ATP2A2: variants seen among roughly 807,000 people sequenced by gnomAD.
ATP2A2 encodes ATPase sarcoplasmic/endoplasmic reticulum Ca2+ transporting 2, also known as sarcoplasmic/endoplasmic reticulum calcium ATPase 2.
In ATP2A2, 14 loss-of-function variants were observed where a neutral mutation model predicts 109.3. The ratio of observed to expected loss-of-function variants is 0.13; its 90% CI spans 0.08 to 0.20. The LOEUF (loss-of-function observed/expected upper bound fraction) is 0.20, where lower values mean the gene tolerates loss of function less well. ATP2A2 is among the 10% of genes least tolerant of loss of function. The probability of loss-of-function intolerance (pLI) is 1.00; values close to 1 mark genes in which losing one functional copy is unlikely to be tolerated. For synonymous variants in ATP2A2, 506 were observed against 490.9 expected, an observed-to-expected ratio of 1.03 and a Z score of -0.41; for missense variants, 657 against 1,321.6, an observed-to-expected ratio of 0.50 and a Z score of 7.80.
intron 11 of ATP2A2, 152 bp downstream of exon 11, chr12:110,334,295 A>C (rs770287105): frequency 9.5e-5 from 92 of 970,702 alleles, no homozygotes; most frequent in Non-Finnish European, 1.4e-4. Context: ...CTCTCAGGTA[A>C]GATGCTCTTC....
chr12:110,307,371 G>T (rs1404830122), intron 5 of ATP2A2, among the ~76,000 whole-genome samples: 2 of 151,834 alleles, frequency 1.3e-5, no homozygotes, highest in African/African-American at 4.8e-5. Flanking sequence ...AGCTGGGACT[G>T]TAGGCACACA....
At position 110,308,777 on chromosome 12, in the gene ATP2A2, G is replaced by A. The variant is rs768548642; in HGVS notation, c.463+12040G>A. Among the ~76,000 whole-genome samples the A allele has an allele frequency of 5.3e-5, 8 of 152,142 alleles. No homozygotes were observed. The South Asian group carries it at 1.0e-3, about 20-fold the overall frequency. On this transcript the variant is annotated intron_variant, in intron 5 of 19. Transcript: ENST00000539276. The stretch of plus-strand genomic sequence containing the variant: ...CTTGTCAGTCGAAGGTACTATTTGC[G>A]TAGCCTGAAAGATTAAATGGCATAA...
At chr12:110,286,567 G>A (rs955463509) in intron 3 of ATP2A2, among the ~76,000 whole-genome samples, 7 of 152,092 alleles carry the variant, frequency 4.6e-5, no homozygotes, top group Admixed American at 2.6e-4. Flanking sequence ...GATCAGAAGG[G>A]AACGAGTTCT....
chr12:110,346,881 ATGATGATCCGGATTTAATT>A lies in ATP2A2; in HGVS notation c.*416_*434del. 9.1e-7 allele frequency: 1 copy of A among 1,095,842 alleles called. No individual in the cohort carries two copies. 67.9% of individuals were successfully genotyped at this position (1,095,842 alleles called of 1,614,324 possible). On this transcript the variant is annotated 3_prime_UTR_variant, in exon 20 of 20. Transcript: ENST00000539276. ...AAATAGCATGTATTGTGTCTTTTGC[ATGATGATCCGGATTTAATT>A]TGATATCACAGTCTAATTTTTATTC...
In ATP2A2 at chr12:110,347,792, G is replaced by C; in HGVS notation, c.*1322G>C. 9.5e-7 allele frequency: 1 copy of C among 1,051,718 alleles called. No homozygotes were observed. The allele number at this position is 1,051,718 out of a possible 1,614,324, so 65.1% of individuals were successfully genotyped here. A position where few individuals can be genotyped will look rare whatever the true frequency, so the allele number is the denominator to read the frequency against. On this transcript the variant is annotated 3_prime_UTR_variant, in exon 20 of 20. Transcript: ENST00000539276. ...TGCCTTCCAACATCCATCAACTAAC[G>C]TGAGTATTTTCTTCCTGGGATTTGG... is the stretch of plus-strand genomic sequence containing the variant.
intron 9 of ATP2A2, 67 bp from the exon 10 acceptor site, chr12:110,333,114 G>A (rs1162364789): frequency 2.1e-5 from 27 of 1,311,006 alleles, no homozygotes; most frequent in Non-Finnish European, 2.1e-5. Flanking sequence ...TTGCGGGGGG[G>A]CAGGGGGCGG....
chr12:110,291,044 G>A (rs141579702), intron 3 of ATP2A2, among the ~76,000 whole-genome samples: 2,535 of 152,086 alleles, frequency 0.017, 71 homozygotes, highest in African/African-American at 0.058. Context: ...GAGTAGCTGG[G>A]ATTACAGGCA....
At chr12:110,288,787 T>C (rs531658285) in intron 3 of ATP2A2, among the ~76,000 whole-genome samples, 3 of 152,240 alleles carry the variant, frequency 2.0e-5, no homozygotes, top group Non-Finnish European at 4.4e-5. Flanking sequence ...GTATACTTTG[T>C]ATAACTTCTG....
At position 110,305,122 on chromosome 12, in the gene ATP2A2, C is replaced by T. The variant is rs545097641; in HGVS notation, c.463+8385C>T. On this transcript the variant is annotated intron_variant, in intron 5 of 19. Transcript: ENST00000539276. ...CTAATTTTTGTATTTTTAGTAGAAACGGGGTTTCACCGTTTTGGCCAGGCT... is the reference window on the plus strand; with the variant it reads ...CTAATTTTTGTATTTTTAGTAGAAATGGGGTTTCACCGTTTTGGCCAGGCT... Among the ~76,000 whole-genome samples the T allele has an allele frequency of 4.6e-5, 7 of 152,156 alleles. No individual in the cohort carries two copies. In the South Asian group the frequency reaches 1.0e-3, roughly 23 times the overall value.
chr12:110,298,446 G>A (rs146879636), intron 5 of ATP2A2, among the ~76,000 whole-genome samples: 2 of 152,170 alleles, frequency 1.3e-5, no homozygotes, highest in Non-Finnish European at 2.9e-5. Flanking sequence ...TTGGCCAGGC[G>A]TGGTGGCTCA....
intron 3 of ATP2A2, among the ~76,000 whole-genome samples, chr12:110,284,512 G>A (rs1432793620): frequency 6.6e-6 from 1 of 152,086 alleles, no homozygotes; most frequent in African/African-American, 2.4e-5. Flanking sequence ...TTTTTTGAGT[G>A]GCCAGTTTGA....
chr12:110,299,866 C>T (rs1027256533), intron 5 of ATP2A2, among the ~76,000 whole-genome samples: 1 of 152,192 alleles, frequency 6.6e-6, no homozygotes, highest in African/African-American at 2.4e-5. Context: ...CTCAGGCAGT[C>T]CTGCCTCAGC....
At position 110,342,500 on chromosome 12, in the gene ATP2A2, A is replaced by AT; in HGVS notation, c.2318+53dup. 1.3e-6 allele frequency: 2 copies of AT among 1,578,460 alleles called. No homozygotes were observed. Among genetic ancestry groups the AT allele is most frequent in the Non-Finnish European group, 8.7e-7 (1 of 1,152,822 alleles). ...CTGTACGCCTTTATCTAAATGGGTCATGGAGCCCAGTTCTCGCAGTTTGCT... is the reference window on the plus strand; with the variant it reads ...CTGTACGCCTTTATCTAAATGGGTCATTGGAGCCCAGTTCTCGCAGTTTGCT... On this transcript the variant is annotated intron_variant, in intron 15 of 19. Coordinates refer to ENST00000539276, the MANE Select transcript of ATP2A2 (RefSeq NM_170665.4). The surrounding 1 kb of genome is among the most constrained non-coding windows in gnomAD (Gnocchi z 4.6).
intron 16 of ATP2A2, 131 bp from the exon 17 acceptor site, chr12:110,344,755 A>C (rs990615022): frequency 1.8e-5 from 16 of 875,014 alleles, no homozygotes; most frequent in Non-Finnish European, 2.7e-5. Context: ...TGGTGGTAGC[A>C]CCACAGGCCC....
At chr12:110,338,088 G>T (rs559231687) in intron 11 of ATP2A2, among the ~76,000 whole-genome samples, 2 of 152,194 alleles carry the variant, frequency 1.3e-5, no homozygotes, top group South Asian at 4.2e-4. Context: ...TCCCTCCCTG[G>T]CCTCTCATTC....
At position 110,292,085 on chromosome 12, in the gene ATP2A2, A is replaced by G. The variant is rs575503171; in HGVS notation, c.285A>G (p.Leu95=). 8 of 1,614,200 alleles carry G rather than the reference A, an allele frequency of 5.0e-6. No individual in the cohort carries two copies. The highest frequency in any genetic ancestry group is 4.4e-5 in the South Asian group (4 of 91,086). ...ITAFVEPFVI[L]LILVANAIVG... ...CCTTTGTAGAACCTTTTGTAATTTT[A>G]CTCATATTAGTAGCCAATGCAATTG... is the stretch of plus-strand genomic sequence containing the variant. The change falls in exon 4 of 20, where the codon TTA becomes TTG. Residue 95 remains leucine (L), a synonymous_variant. Coordinates refer to ENST00000539276, the MANE Select transcript of ATP2A2 (RefSeq NM_170665.4).
In ATP2A2 at chr12:110,346,453, G is replaced by C. The variant is rs746403445; in HGVS notation, c.3112G>C (p.Asp1038His). ...WVYSTDTNFS[D>H]MFWS ...CTATAGCACAGACACTAACTTTAGC[G>C]ATATGTTCTGGTCTTGACTGACAGT... The change falls in exon 20 of 20, where the codon GAT (aspartate) becomes CAT (histidine). Residue 1038 changes from aspartate to histidine, a missense_variant. By Grantham distance (81) the Asp-to-His change is moderately conservative. This residue lies in a region of ATP2A2 where 53 missense variants were observed against 61.2 expected (regional missense o/e 0.87). Coordinates refer to ENST00000539276, the MANE Select transcript of ATP2A2 (RefSeq NM_170665.4). 1 of 1,614,190 alleles carries C rather than the reference G, an allele frequency of 6.2e-7. No homozygotes were observed. Among genetic ancestry groups the C allele is most frequent in the East Asian group, 2.2e-5 (1 of 44,890 alleles).
rs753006558 is a variant in ATP2A2, at chr12:110,333,201, T to A, written c.1205T>A (p.Val402Glu). The change falls in exon 10 of 20, where the codon GTG (valine) becomes GAG (glutamate). Residue 402 changes from valine to glutamate, a missense_variant. Physicochemically the swap from Val to Glu is moderately radical, Grantham distance 121. This residue lies in a region of ATP2A2 where 46 missense variants were observed against 62.0 expected (regional missense o/e 0.74). Transcript: ENST00000539276. ...IGEVHKDDKP[V>E]NCHQYDGLVE... Reference sequence around the variant, plus strand: ...GGCAGGCATAAAGATGATAAACCAGTGAATTGTCACCAGTATGATGGTCTG... The same window carrying A: ...GGCAGGCATAAAGATGATAAACCAGAGAATTGTCACCAGTATGATGGTCTG... 1.9e-6 allele frequency: 3 copies of A among 1,613,870 alleles called. No homozygotes were observed. The highest frequency in any genetic ancestry group is 2.5e-6 in the Non-Finnish European group (3 of 1,179,852).
intron 5 of ATP2A2, among the ~76,000 whole-genome samples, chr12:110,304,515 G>A (rs190359649): frequency 3.9e-5 from 6 of 152,208 alleles, no homozygotes; most frequent in East Asian, 1.9e-4. Flanking sequence ...TTTGACGTCC[G>A]TTTCCCTAAT....
Sources: gnomAD v4.1 joint callset for allele counts (sites outside exome capture counted in the v4.1 genomes callset) on GRCh38, gnomAD v4.1.1 for gene constraint, gnomAD v4.1.1 regional missense constraint, Gnocchi (gnomAD v3.1) non-coding constraint, MANE v1.5 for transcripts, NCBI Gene and HGNC (gene_info 2026-07-23, HGNC 2026-07-21) for gene names.